Variants in CEP350 observed in about 807,000 individuals in gnomAD.
CEP350 encodes centrosome-associated protein 350.
CEP350 carries 126 observed loss-of-function variants against 331.8 expected under a neutral mutation model. That is an observed-to-expected ratio of 0.38 (90% CI 0.33 to 0.44). The LOEUF (loss-of-function observed/expected upper bound fraction) is 0.44, where lower values mean the gene tolerates loss of function less well. CEP350 is among the 20% of genes least tolerant of loss of function. CEP350 has a pLI of 1.00. For synonymous variants in CEP350, 1,200 were observed against 1,259.5 expected (o/e 0.95, Z 1.00); for missense variants, 3,406 against 3,634.6 (o/e 0.94, Z 1.62).
chr1:180,065,351 C>T lies in CEP350; in HGVS notation c.5567+79C>T, dbSNP rs1658487974. Reference sequence around the variant, plus strand: ...AAATAACATTTGTAATAATACTTCACTAGATTAGATTGAGACAAAATATTT... The same window carrying T: ...AAATAACATTTGTAATAATACTTCATTAGATTAGATTGAGACAAAATATTT... On this transcript the variant is annotated intron_variant, in intron 27 of 37. Coordinates refer to ENST00000367607, the MANE Select transcript of CEP350 (RefSeq NM_014810.5). 5 of 1,346,882 alleles carry T rather than the reference C, an allele frequency of 3.7e-6. No individual in the cohort carries two copies. In the South Asian group the frequency reaches 7.8e-5, roughly 21 times the overall value. The allele number at this position is 1,346,882 out of a possible 1,614,324, so 83.4% of individuals were successfully genotyped here. A position where few individuals can be genotyped will look rare whatever the true frequency, so the allele number is the denominator to read the frequency against.
chr1:179,958,588 C>T (rs1197396354), intron 1 of CEP350, among the ~76,000 whole-genome samples: 1 of 152,160 alleles, frequency 6.6e-6, no homozygotes, highest in East Asian at 1.9e-4. Context: ...GGTGGACCTT[C>T]TGGATTCAAA....
intron 11 of CEP350, among the ~76,000 whole-genome samples, chr1:180,017,551 AAC>A (rs1007807537): frequency 3.9e-5 from 6 of 152,188 alleles, no homozygotes; most frequent in Admixed American, 2.6e-4. Context: ...AAGCAAGCCA[AAC>A]ACAAACAAAT....
Position 180,090,781 on chromosome 1 carries a change from A to G in CEP350, c.6493A>G (p.Ile2165Val), listed in dbSNP as rs943645501. 4 of 1,543,718 alleles carry G rather than the reference A, an allele frequency of 2.6e-6. No individual in the cohort carries two copies. The highest frequency in any genetic ancestry group is 2.7e-5 in the African/African-American group (2 of 72,932). The change falls in exon 33 of 38, where the codon ATT becomes GTT. Residue 2165 changes from isoleucine to valine, a missense_variant. By Grantham distance (29) the Ile-to-Val change is conservative. Transcript: ENST00000367607. ...SERSRGSLES[I>V]AEHVDASLSG... ...ACGTTCCAGAGGATCCCTGGAGTCTATTGCTGAACATGTTGGTATGTAACT... is the reference window on the plus strand; with the variant it reads ...ACGTTCCAGAGGATCCCTGGAGTCTGTTGCTGAACATGTTGGTATGTAACT...
At chr1:179,992,834 T>A (rs1363555053) in intron 5 of CEP350, among the ~76,000 whole-genome samples, 1 of 152,216 alleles carries the variant, frequency 6.6e-6, no homozygotes, top group Non-Finnish European at 1.5e-5. Context: ...AGGGACACTT[T>A]ACTAATGATT....
intron 5 of CEP350, among the ~76,000 whole-genome samples, chr1:179,994,985 A>G (rs550473223): frequency 1.5e-4 from 23 of 152,216 alleles, no homozygotes; most frequent in African/African-American, 5.3e-4. Context: ...GATCAGTGCT[A>G]TACAATAGAA....
intron 37 of CEP350, among the ~76,000 whole-genome samples, chr1:180,099,468 C>T (rs914205920): frequency 2.0e-5 from 3 of 152,120 alleles, no homozygotes; most frequent in Non-Finnish European, 2.9e-5. Flanking sequence ...GCTGTTACCT[C>T]ATCATCATCA....
At position 180,033,955 on chromosome 1, in the gene CEP350, T is replaced by C. The variant is rs1407682326; in HGVS notation, c.3819T>C (p.Thr1273=). The C allele has an allele frequency of 1.2e-6, 2 of 1,613,920 alleles. No individual in the cohort carries two copies. Among genetic ancestry groups the C allele is most frequent in the East Asian group, 4.5e-5 (2 of 44,886 alleles). Residue 1273 remains threonine, a synonymous_variant, in exon 16 of 38, where the codon ACT becomes ACC. Transcript: ENST00000367607. ...QKSLQFDVAG[T]SSERSKSSVM... ...CATTGCAGTTTGACGTTGCAGGAAC[T>C]TCTTCAGAAAGATCTAAGTCGTCAG... is the stretch of plus-strand genomic sequence containing the variant.
chr1:180,101,488 ACT>A (rs1293926250), intron 37 of CEP350, among the ~76,000 whole-genome samples: 2 of 152,000 alleles, frequency 1.3e-5, no homozygotes, highest in African/African-American at 4.8e-5. Flanking sequence ...CACTTCCTCT[ACT>A]CTCACATTAC....
At chr1:179,989,482 C>CAAA (rs59268913) in intron 3 of CEP350, among the ~76,000 whole-genome samples, 12 of 121,054 alleles carry the variant, frequency 9.9e-5, no homozygotes, top group South Asian at 2.7e-4. Flanking sequence ...GACCCTGTCT[C>CAAA]AAAAAAAAAA....
chr1:180,003,169 A>G lies in CEP350; in HGVS notation c.1019-5A>G, dbSNP rs771622628. 1.9e-6 allele frequency: 3 copies of G among 1,588,510 alleles called. No homozygotes were observed. Among genetic ancestry groups the G allele is most frequent in the East Asian group, 2.2e-5 (1 of 44,778 alleles). The stretch of plus-strand genomic sequence containing the variant: ...AGAATATTCTGTGTTACTGGTATGT[A>G]TTAGGTTTCAACCCTTCAGAGACCA... On this transcript the variant is annotated splice_polypyrimidine_tract_variant and splice_region_variant and intron_variant, in intron 6 of 37. Coordinates refer to ENST00000367607, the MANE Select transcript of CEP350 (RefSeq NM_014810.5).
At chr1:180,073,713 C>A (rs765534802) in intron 27 of CEP350, 52 of 1,204,332 alleles carry the variant, frequency 4.3e-5, no homozygotes, top group Non-Finnish European at 5.4e-5. Flanking sequence ...TCACTCAGCT[C>A]TTACGCTTTC....
intron 9 of CEP350, among the ~76,000 whole-genome samples, 159 bp downstream of exon 9, chr1:180,012,234 GATA>G (rs1234763750): frequency 6.6e-6 from 1 of 152,144 alleles, no homozygotes; most frequent in Non-Finnish European, 1.5e-5. Context: ...CTTGGTTATG[GATA>G]ATATCTGCAT....
chr1:180,020,302 C>G lies in CEP350; in HGVS notation c.2528C>G (p.Ala843Gly). ...TTGTCCAGCAGAATTGAAAGTGAAG[C>G]CAAGAAATTAGCTGGGGCCAGCATT... ...ASLSSRIESEAKKLAGASINY... is the reference protein window; with the variant it reads ...ASLSSRIESEGKKLAGASINY... The change falls in exon 12 of 38, where the codon GCC (alanine) becomes GGC (glycine). Residue 843 changes from alanine (A) to glycine (G), a missense_variant. By Grantham distance (60) the Ala-to-Gly change is moderately conservative (BLOSUM62 0). This residue lies in a region of CEP350 where 1,857 missense variants were observed against 1,909.2 expected (regional missense o/e 0.97). Coordinates refer to ENST00000367607, the MANE Select transcript of CEP350 (RefSeq NM_014810.5). The G allele has an allele frequency of 6.2e-7, 1 of 1,613,912 alleles. No homozygotes were observed. The highest frequency in any genetic ancestry group is 8.5e-7 in the Non-Finnish European group (1 of 1,179,878).
intron 10 of CEP350, 120 bp from the exon 11 acceptor site, chr1:180,015,725 CAAAA>C: frequency 2.6e-6 from 3 of 1,146,134 alleles, no homozygotes; most frequent in Non-Finnish European, 3.5e-6. Context: ...TTTTGTTTGA[CAAAA>C]AAAAACCACT....
chr1:180,031,284 A>G (rs369229747), intron 14 of CEP350, 36 bp from the exon 15 acceptor site: 69 of 1,287,716 alleles, frequency 5.4e-5, no homozygotes, highest in Non-Finnish European at 7.5e-5. Context: ...AACTTCTAAT[A>G]TTGGGAATCA....
At chr1:180,101,559 A>G (rs1367308434) in intron 37 of CEP350, among the ~76,000 whole-genome samples, 3 of 152,070 alleles carry the variant, frequency 2.0e-5, no homozygotes, top group Non-Finnish European at 4.4e-5. Context: ...CTTTTCCCCC[A>G]CACACCAAGC....
At chr1:180,103,942 TAAAATATATAC>T (rs929783460) in intron 37 of CEP350, among the ~76,000 whole-genome samples, 9 of 138,668 alleles carry the variant, frequency 6.5e-5, no homozygotes, top group Non-Finnish European at 1.2e-4. Flanking sequence ...ATATATGTTT[TAAAATATATAC>T]AAAATATATA....
rs1477792941 is a variant in CEP350, at chr1:180,087,730, G to T, written c.6425+13G>T. 1.3e-6 allele frequency: 2 copies of T among 1,491,880 alleles called. No homozygotes were observed. The highest frequency in any genetic ancestry group is 1.8e-6 in the Non-Finnish European group (2 of 1,119,792). 92.4% of individuals were successfully genotyped at this position (1,491,880 alleles called of 1,614,324 possible). A position where few individuals can be genotyped will look rare whatever the true frequency, so the allele number is the denominator to read the frequency against. On this transcript the variant is annotated intron_variant, in intron 32 of 37. Transcript: ENST00000367607. Reference sequence around the variant, plus strand: ...CACCACTACACAGGTAGAAATTTTTGATAACTTGTCTGTATTCTGCCTTGT... The same window carrying T: ...CACCACTACACAGGTAGAAATTTTTTATAACTTGTCTGTATTCTGCCTTGT...
rs546616812 is a variant in CEP350, at chr1:180,042,168, A to G, written c.4362+366A>G. Among the ~76,000 whole-genome samples, 662 of 148,528 alleles carry G rather than the reference A, an allele frequency of 4.5e-3. 7 individuals carry two copies. The highest frequency in any genetic ancestry group is 0.015 in the African/African-American group (610 of 40,296). ...CACACACACACACACACACACACACATCTCCCTATAACCATCACCACAATC... is the reference window on the plus strand; with the variant it reads ...CACACACACACACACACACACACACGTCTCCCTATAACCATCACCACAATC... On this transcript the variant is annotated intron_variant, in intron 19 of 37. Transcript: ENST00000367607.
Sources: gnomAD v4.1 joint callset for allele counts (sites outside exome capture counted in the v4.1 genomes callset) on GRCh38, gnomAD v4.1.1 for gene constraint, gnomAD v4.1.1 regional missense constraint, MANE v1.5 for transcripts, NCBI Gene and HGNC (gene_info 2026-07-23, HGNC 2026-07-21) for gene names.